FAT3: variants seen among roughly 807,000 people sequenced by gnomAD.
The protein encoded by FAT3 is protocadherin Fat 3.
FAT3 carries 95 observed loss-of-function variants against 310.2 expected under a neutral mutation model. The observed-to-expected ratio is 0.31, with a 90% CI of 0.26 to 0.36. The LOEUF (loss-of-function observed/expected upper bound fraction) is 0.36. Ranked by LOEUF, FAT3 falls within the 10% of genes least tolerant of loss-of-function variation. The pLI is 1.00. For synonymous variants in FAT3, 2,314 were observed against 2,192.9 expected (o/e 1.06, Z -1.54); for missense variants, 5,408 against 5,715.6 (o/e 0.95, Z 1.74).
intron 1 of FAT3, among the ~76,000 whole-genome samples, chr11:92,286,710 C>G (rs1591055598): frequency 6.6e-6 from 1 of 151,838 alleles, no homozygotes; most frequent in East Asian, 2.0e-4. Flanking sequence ...TGCCAGCCAT[C>G]TTTTGGTTAT....
In FAT3 at chr11:92,800,761, T is replaced by C. The variant is rs891761061; in HGVS notation, c.7748T>C (p.Phe2583Ser). The C allele has an allele frequency of 6.2e-7, 1 of 1,613,954 alleles. No individual in the cohort carries two copies. The highest frequency in any genetic ancestry group is 8.5e-7 in the Non-Finnish European group (1 of 1,179,882). Residue 2583 changes from phenylalanine (F) to serine (S), a missense_variant, in exon 10 of 28, where the codon TTC (phenylalanine) becomes TCC (serine). By Grantham distance (155) the Phe-to-Ser change is radical. Around this residue, in one of 5 missense-constraint regions of FAT3, gnomAD observed 4,588 missense variants for 4,809.8 expected, o/e 0.95. Coordinates refer to ENST00000525166, the MANE Select transcript of FAT3 (RefSeq NM_001367949.2). ...CTTGATGGTGGAGGGAGAACAACTT[T>C]CTGCACTGTGAGAGTGATTGTTGTG... ...RALDGGGRTT[F>S]CTVRVIVVDE...
intron 5 of FAT3, 108 bp from the exon 6 acceptor site, chr11:92,764,771 A>C (rs1344250887): frequency 1.0e-6 from 1 of 988,304 alleles, no homozygotes; most frequent in Non-Finnish European, 1.5e-6. Context: ...CCCCTTGCTG[A>C]CACTGTGTTG....
chr11:92,861,553 T>A (rs1360286790), intron 21 of FAT3, among the ~76,000 whole-genome samples: 2 of 152,364 alleles, frequency 1.3e-5, no homozygotes, highest in South Asian at 2.1e-4. Context: ...AGATGGATGC[T>A]ATTTGAAGGA....
intron 21 of FAT3, among the ~76,000 whole-genome samples, chr11:92,863,578 C>T (rs574078618): frequency 2.4e-4 from 36 of 152,264 alleles, no homozygotes; most frequent in African/African-American, 7.9e-4. Context: ...AACAAATTAC[C>T]TAGCTACACC....
At chr11:92,745,028 G>A (rs2136037013) in intron 4 of FAT3, among the ~76,000 whole-genome samples, 1 of 152,256 alleles carries the variant, frequency 6.6e-6, no homozygotes, top group Admixed American at 6.5e-5. Flanking sequence ...CTTTACTGTG[G>A]AAAGAAAAGC....
chr11:92,438,641 C>A (rs1007867958), intron 2 of FAT3, among the ~76,000 whole-genome samples: 1 of 151,874 alleles, frequency 6.6e-6, no homozygotes, highest in African/African-American at 2.4e-5. Context: ...TTAAATAATA[C>A]AAAGTAGAGA....
chr11:92,686,543 G>A (rs1943638920), intron 3 of FAT3, among the ~76,000 whole-genome samples: 1 of 151,976 alleles, frequency 6.6e-6, no homozygotes. Flanking sequence ...AAAACTAATG[G>A]GGTTTTACAA....
chr11:92,751,298 A>C (rs956511215), intron 4 of FAT3, among the ~76,000 whole-genome samples: 1 of 152,160 alleles, frequency 6.6e-6, no homozygotes, highest in African/African-American at 2.4e-5. Context: ...ATCTTACTCC[A>C]AGACTGATAA....
At chr11:92,845,018 A>G (rs1471296540) in intron 19 of FAT3, among the ~76,000 whole-genome samples, 1 of 151,962 alleles carries the variant, frequency 6.6e-6, no homozygotes, top group Non-Finnish European at 1.5e-5. Context: ...GGATTTCCCC[A>G]AAGGGAGTAT....
chr11:92,601,956 A>C (rs1393223633), intron 3 of FAT3, among the ~76,000 whole-genome samples: 3 of 152,184 alleles, frequency 2.0e-5, no homozygotes, highest in Non-Finnish European at 4.4e-5. Context: ...CTGATGTTCC[A>C]GCCAGGTGTT....
intron 3 of FAT3, among the ~76,000 whole-genome samples, chr11:92,558,890 C>A (rs1189514975): frequency 1.3e-5 from 2 of 152,204 alleles, no homozygotes; most frequent in African/African-American, 2.4e-5. Flanking sequence ...AGTGAAAAGT[C>A]TTTGGTGCAT....
intron 3 of FAT3, among the ~76,000 whole-genome samples, chr11:92,649,042 C>A (rs976284025): frequency 6.6e-6 from 1 of 152,148 alleles, no homozygotes; most frequent in Non-Finnish European, 1.5e-5. Context: ...CTTCAAAATG[C>A]ACCTGCCCAG....
At chr11:92,510,119 T>G (rs151056550) in intron 2 of FAT3, among the ~76,000 whole-genome samples, 1 of 152,256 alleles carries the variant, frequency 6.6e-6, no homozygotes, top group African/African-American at 2.4e-5. Flanking sequence ...CAGAAAATAT[T>G]TCTAGATATC....
intron 12 of FAT3, among the ~76,000 whole-genome samples, chr11:92,809,069 C>T (rs1274560891): frequency 6.6e-6 from 1 of 152,164 alleles, no homozygotes; most frequent in African/African-American, 2.4e-5. Flanking sequence ...TGTCACTGTG[C>T]TTGTTGTCAT....
At chr11:92,324,261 T>C (rs140367842) in intron 1 of FAT3, among the ~76,000 whole-genome samples, 2,124 of 152,362 alleles carry the variant, frequency 0.014, 24 homozygotes, top group Middle Eastern at 0.034. Context: ...ACTTGGCTAA[T>C]TGATGCAAGA....
intron 1 of FAT3, among the ~76,000 whole-genome samples, chr11:92,256,514 A>G (rs1865323468): frequency 6.6e-6 from 1 of 152,140 alleles, no homozygotes. Flanking sequence ...AAGGAGATAA[A>G]TAAAAAAGAG....
intron 4 of FAT3, among the ~76,000 whole-genome samples, chr11:92,753,798 G>GTGTGTGTGTGTGTGTGTGTA: frequency 8.4e-6 from 1 of 119,112 alleles, no homozygotes; most frequent in African/African-American, 3.9e-5. Flanking sequence ...GTGTGTGTGT[G>GTGTGTGTGTGTGTGTGTGTA]TATATATATA....
intron 10 of FAT3, among the ~76,000 whole-genome samples, chr11:92,804,643 C>T (rs769453176): frequency 6.6e-6 from 1 of 152,164 alleles, no homozygotes; most frequent in Admixed American, 6.5e-5. Context: ...GTCGTGAAAA[C>T]TTTTCTCCGC....
intron 3 of FAT3, among the ~76,000 whole-genome samples, chr11:92,614,716 T>C (rs183675532): frequency 4.6e-5 from 7 of 152,368 alleles, no homozygotes; most frequent in African/African-American, 1.4e-4. Context: ...ACAATTGTGA[T>C]GAAATCCAAT....
Sources: allele counts gnomAD v4.1 joint callset (sites outside exome capture counted in the v4.1 genomes callset), GRCh38; gene constraint gnomAD v4.1.1; regional missense constraint gnomAD v4.1.1; transcripts MANE v1.5; gene names NCBI Gene and HGNC (gene_info 2026-07-23, HGNC 2026-07-21).